ATP10B: variants seen among roughly 807,000 people sequenced by gnomAD.
The protein encoded by ATP10B is phospholipid-transporting ATPase VB.
Under a neutral mutation model 141.2 loss-of-function variants are expected in ATP10B, and 122 were observed. The observed-to-expected ratio is 0.86, with a 90% CI of 0.75 to 1.00. The LOEUF (loss-of-function observed/expected upper bound fraction) is 1.00. Among genes scored for constraint, ATP10B ranks in the 50% least tolerant of loss-of-function variants. The pLI, the probability that ATP10B is intolerant of heterozygous loss-of-function variation, is 0.00. For missense variants in ATP10B, 1,876 were observed against 1,825.3 expected (o/e 1.03, Z -0.51); for synonymous variants, 685 against 692.0 (o/e 0.99, Z 0.16).
In ATP10B at chr5:160,725,568, C is replaced by G. The variant is rs185730146; in HGVS notation, c.-330-8534G>C. Among the ~76,000 whole-genome samples, 81 of 152,198 alleles carry G rather than the reference C, an allele frequency of 5.3e-4. 1 individual carries two copies. The highest frequency in any genetic ancestry group is 5.2e-3 in the Admixed American group (80 of 15,300). On this transcript the variant is annotated intron_variant, in intron 2 of 25. Coordinates refer to ENST00000327245, the MANE Select transcript of ATP10B (RefSeq NM_025153.3). ...TCATGCCATTCTCCTGCCTCAGCCTCGCAAGTAGCTGGGACTACAGGCGCC... is the reference window on the plus strand; with the variant it reads ...TCATGCCATTCTCCTGCCTCAGCCTGGCAAGTAGCTGGGACTACAGGCGCC...
intron 24 of ATP10B, among the ~76,000 whole-genome samples, chr5:160,571,099 T>C (rs953475358): frequency 1.1e-4 from 16 of 152,174 alleles, no homozygotes; most frequent in African/African-American, 3.9e-4. Context: ...TGAGCTGGAA[T>C]CTTTCATCAC....
intron 14 of ATP10B, among the ~76,000 whole-genome samples, chr5:160,621,697 G>A (rs779661646): frequency 1.3e-5 from 2 of 152,174 alleles, no homozygotes; most frequent in Non-Finnish European, 1.5e-5. Context: ...ATAGTTGCAA[G>A]TTGTACCACC....
chr5:160,773,392 A>G (rs1175881252), intron 2 of ATP10B, among the ~76,000 whole-genome samples: 1 of 152,124 alleles, frequency 6.6e-6, no homozygotes, highest in East Asian at 1.9e-4. Context: ...CCACATGCAT[A>G]TTTTAAAGGC....
At chr5:160,861,968 G>C in the ATP10B span, among the ~76,000 whole-genome samples, 1 of 151,814 alleles carries the variant, frequency 6.6e-6, no homozygotes, top group East Asian at 1.9e-4. Flanking sequence ...TTCATATTTG[G>C]ACTAATAGAA....
chr5:160,644,258 A>G lies in ATP10B; in HGVS notation c.762-14T>C, dbSNP rs772047495. On this transcript the variant is annotated splice_polypyrimidine_tract_variant and intron_variant, in intron 8 of 25. Coordinates refer to ENST00000327245, the MANE Select transcript of ATP10B (RefSeq NM_025153.3). The stretch of plus-strand genomic sequence containing the variant: ...TCAGGATGCTCCCTGGGGATGATGA[A>G]TAAAAGACAGGGGGTGGTTTGGTGG... 1.1e-5 allele frequency: 17 copies of G among 1,604,968 alleles called. No homozygotes were observed. The highest frequency in any genetic ancestry group is 1.4e-5 in the Non-Finnish European group (16 of 1,171,792).
At chr5:160,652,997 T>C (rs1180796970) in intron 7 of ATP10B, among the ~76,000 whole-genome samples, 2 of 68,004 alleles carry the variant, frequency 2.9e-5, no homozygotes, top group African/African-American at 5.7e-5. Context: ...TATTTATATT[T>C]ATATATTATA....
chr5:160,918,418 A>AATCAGC, the ATP10B span, among the ~76,000 whole-genome samples: 1 of 152,210 alleles, frequency 6.6e-6, no homozygotes, highest in Non-Finnish European at 1.5e-5. Context: ...GAAGGGTTAA[A>AATCAGC]ATCAGCAGGA....
At chr5:160,607,508 A>G (rs1475573591) in intron 18 of ATP10B, among the ~76,000 whole-genome samples, 1 of 152,212 alleles carries the variant, frequency 6.6e-6, no homozygotes, top group East Asian at 1.9e-4. Flanking sequence ...TCCTGATCTT[A>G]GAGATGAGGA....
chr5:160,849,582 C>T (rs1335232851), intron 1 of ATP10B, among the ~76,000 whole-genome samples: 2 of 149,766 alleles, frequency 1.3e-5, no homozygotes, highest in East Asian at 2.0e-4. Context: ...TTATTAAGTG[C>T]CTTCTGTGGG....
At chr5:160,676,376 C>T (rs898222897) in intron 6 of ATP10B, among the ~76,000 whole-genome samples, 1 of 152,190 alleles carries the variant, frequency 6.6e-6, no homozygotes, top group African/African-American at 2.4e-5. Context: ...AATGCTCATC[C>T]TTTAACCTCT....
chr5:160,785,163 A>G (rs1484165997), intron 2 of ATP10B, among the ~76,000 whole-genome samples: 1 of 152,146 alleles, frequency 6.6e-6, no homozygotes, highest in African/African-American at 2.4e-5. Context: ...TACTCCATTG[A>G]CAATCTATGG....
intron 6 of ATP10B, among the ~76,000 whole-genome samples, chr5:160,676,608 G>T (rs1289881473): frequency 6.6e-6 from 1 of 152,192 alleles, no homozygotes; most frequent in Non-Finnish European, 1.5e-5. Context: ...CACATGGGGA[G>T]TGTTTAGTAA....
chr5:160,790,594 A>G (rs1771498936), intron 1 of ATP10B, among the ~76,000 whole-genome samples: 1 of 152,160 alleles, frequency 6.6e-6, no homozygotes, highest in Non-Finnish European at 1.5e-5. Context: ...TGTCAGGGCT[A>G]TATATAAGTA....
Position 160,580,778 on chromosome 5 carries a change from C to T in ATP10B, c.3750+8814G>A, listed in dbSNP as rs367610413. Among the ~76,000 whole-genome samples the T allele has an allele frequency of 5.3e-5, 8 of 152,250 alleles. No individual in the cohort carries two copies. The South Asian group carries it at 1.0e-3, about 20-fold the overall frequency. ...CTCTGGTAGAATTCGGCTGTGAATC[C>T]GTCTGGTCCTGGGCTTTCTTTGGTT... On this transcript the variant is annotated intron_variant, in intron 24 of 25. Transcript: ENST00000327245.
intron 22 of ATP10B, among the ~76,000 whole-genome samples, chr5:160,592,788 A>T (rs1756407550): frequency 6.6e-6 from 1 of 152,236 alleles, no homozygotes; most frequent in Admixed American, 6.5e-5. Context: ...GGAGGGTCCT[A>T]CGCCCATGGA....
At chr5:160,740,434 A>G (rs1253044605) in intron 2 of ATP10B, among the ~76,000 whole-genome samples, 2 of 152,156 alleles carry the variant, frequency 1.3e-5, no homozygotes, top group East Asian at 3.9e-4. Flanking sequence ...ATTTTGGACC[A>G]CTGAAATTGT....
At chr5:160,750,148 T>G (rs1363946812) in intron 2 of ATP10B, among the ~76,000 whole-genome samples, 1 of 152,338 alleles carries the variant, frequency 6.6e-6, no homozygotes, top group East Asian at 1.9e-4. Flanking sequence ...TACCCCATAT[T>G]GGGGTCTACA....
At chr5:160,645,672 GTTCCT>G (rs1435367794) in intron 8 of ATP10B, among the ~76,000 whole-genome samples, 1 of 152,156 alleles carries the variant, frequency 6.6e-6, no homozygotes, top group African/African-American at 2.4e-5. Flanking sequence ...TCCTGATGCC[GTTCCT>G]TTGAGATTTT....
intron 7 of ATP10B, among the ~76,000 whole-genome samples, chr5:160,666,549 T>G (rs1388305576): frequency 6.6e-6 from 1 of 152,208 alleles, no homozygotes; most frequent in Non-Finnish European, 1.5e-5. Flanking sequence ...AGAACACATA[T>G]TTGAAAGCTT....
Sources: allele counts gnomAD v4.1 joint callset (sites outside exome capture counted in the v4.1 genomes callset), GRCh38; gene constraint gnomAD v4.1.1; transcripts MANE v1.5; gene names NCBI Gene and HGNC (gene_info 2026-07-23, HGNC 2026-07-21).